Variants in GABRG3 observed in about 807,000 individuals in gnomAD.
The protein encoded by GABRG3 is gamma-aminobutyric acid type A receptor subunit gamma3.
A neutral mutation model predicts 48.8 loss-of-function variants in GABRG3; 25 were observed. The observed-to-expected ratio is 0.51, with a 90% CI of 0.37 to 0.72. GABRG3 has a LOEUF of 0.72. Ranked by LOEUF, GABRG3 falls within the 30% of genes least tolerant of loss-of-function variation. GABRG3 has a pLI of 0.00. For missense variants in GABRG3, 394 were observed against 577.9 expected, an observed-to-expected ratio of 0.68 and a Z score of 3.26; for synonymous variants, 227 against 217.6, an observed-to-expected ratio of 1.04 and a Z score of -0.38.
At chr15:27,211,693 G>T (rs770710860) in intron 3 of GABRG3, among the ~76,000 whole-genome samples, 1 of 152,122 alleles carries the variant, frequency 6.6e-6, no homozygotes, top group African/African-American at 2.4e-5. Context: ...TGTGCAGTGT[G>T]ATAAAAGTTA....
At chr15:27,007,428 AC>A (rs1245556445) in intron 2 of GABRG3, among the ~76,000 whole-genome samples, 1 of 152,140 alleles carries the variant, frequency 6.6e-6, no homozygotes. Flanking sequence ...TTGGTTATAT[AC>A]CCAATAATAG....
intron 3 of GABRG3, among the ~76,000 whole-genome samples, chr15:27,089,009 T>G (rs943329354): frequency 1.5e-4 from 23 of 152,084 alleles, no homozygotes; most frequent in Non-Finnish European, 1.0e-4. Context: ...TCAGGCTGGC[T>G]GGCGCCGGGC....
chr15:27,058,489 G>T (rs543816361), intron 3 of GABRG3, among the ~76,000 whole-genome samples: 1 of 152,282 alleles, frequency 6.6e-6, no homozygotes, highest in South Asian at 2.1e-4. Flanking sequence ...CTGTTGAACA[G>T]GAAATGAGCT....
intron 7 of GABRG3, among the ~76,000 whole-genome samples, chr15:27,521,903 A>G (rs1891169094): frequency 6.6e-6 from 1 of 152,052 alleles, no homozygotes; most frequent in South Asian, 2.1e-4. Flanking sequence ...AACTGACTAT[A>G]ACTGAGGTGA....
chr15:27,520,787 T>C (rs894932877), intron 7 of GABRG3, among the ~76,000 whole-genome samples: 3 of 151,022 alleles, frequency 2.0e-5, no homozygotes, highest in Admixed American at 6.6e-5. Flanking sequence ...AATATAGAGA[T>C]TGTTTTCCCC....
rs894837370 is a variant in GABRG3, at chr15:27,352,748, T to A, written c.574+23860T>A. Among the ~76,000 whole-genome samples the A allele has an allele frequency of 1.3e-5, 2 of 152,100 alleles. No individual in the cohort carries two copies. Among genetic ancestry groups the A allele is most frequent in the African/African-American group, 4.8e-5 (2 of 41,406 alleles). ...AAAGGAGCTCAGTGTCTTCCCCATA[T>A]GCCACGTTTCACGCAGATGCATGGG... is the stretch of plus-strand genomic sequence containing the variant. On this transcript the variant is annotated intron_variant, in intron 5 of 9. Transcript: ENST00000615808. This position sits in a 1 kb window ranked among gnomAD's most constrained non-coding sequence, Gnocchi z 4.0.
chr15:27,158,430 G>T (rs1011359793), intron 3 of GABRG3: 3 of 152,022 alleles, frequency 2.0e-5, no homozygotes, highest in African/African-American at 7.2e-5. Context: ...TGTTAAAGAT[G>T]ATTTTCCCTT....
intron 5 of GABRG3, among the ~76,000 whole-genome samples, chr15:27,423,324 C>CTTAA (rs1888189355): frequency 6.7e-6 from 1 of 150,012 alleles, no homozygotes; most frequent in South Asian, 2.1e-4. Flanking sequence ...TTCAGGCTTC[C>CTTAA]TTAAAGACAC....
intron 3 of GABRG3, among the ~76,000 whole-genome samples, chr15:27,270,832 C>T (rs1261167279): frequency 6.6e-6 from 1 of 152,116 alleles, no homozygotes; most frequent in Non-Finnish European, 1.5e-5. Context: ...ATCACCCTTA[C>T]CTCATAAATG....
intron 3 of GABRG3, among the ~76,000 whole-genome samples, chr15:27,095,406 C>T (rs911878502): frequency 3.9e-5 from 6 of 152,148 alleles, no homozygotes; most frequent in Middle Eastern, 3.2e-3. Flanking sequence ...TACTTTCTTG[C>T]GACAGGTGTG....
chr15:27,425,726 T>A (rs1299587833), intron 5 of GABRG3, among the ~76,000 whole-genome samples: 1 of 152,230 alleles, frequency 6.6e-6, no homozygotes, highest in Non-Finnish European at 1.5e-5. Context: ...AAATAAGGCT[T>A]TTGAGAGAAT....
chr15:27,527,748 T>A (rs1477955589), intron 8 of GABRG3, 119 bp downstream of exon 8: 2 of 1,069,510 alleles, frequency 1.9e-6, no homozygotes, highest in African/African-American at 3.2e-5. Context: ...AATACCCAGT[T>A]CAACAAGACT....
intron 3 of GABRG3, among the ~76,000 whole-genome samples, chr15:27,194,941 GTTTATTA>G (rs144708841): frequency 0.032 from 4,913 of 152,098 alleles, 159 homozygotes; most frequent in African/African-American, 0.082. Flanking sequence ...ATGTTTGTTT[GTTTATTA>G]TTTATTTTAC....
chr15:27,104,296 G>A (rs1897411898), intron 3 of GABRG3, among the ~76,000 whole-genome samples: 1 of 152,242 alleles, frequency 6.6e-6, no homozygotes, highest in African/African-American at 2.4e-5. Context: ...GTACGAGCCA[G>A]GACAGATGAA....
At position 27,317,559 on chromosome 15, in the gene GABRG3, C is replaced by T. The variant is rs143069008; in HGVS notation, c.271-9250C>T. Among the ~76,000 whole-genome samples the T allele has an allele frequency of 1.1e-3, 165 of 152,302 alleles. 1 individual carries two copies. Among genetic ancestry groups the T allele is most frequent in the African/African-American group, 3.8e-3 (158 of 41,570 alleles). On this transcript the variant is annotated intron_variant, in intron 3 of 9. Transcript: ENST00000615808. ...GAGGCCCATCCTCATCTTTGGAAAA[C>T]TGGCTGGTGTCACAAGGCAAGGCTA...
intron 2 of GABRG3, among the ~76,000 whole-genome samples, chr15:27,001,873 G>A (rs956277600): frequency 1.2e-4 from 14 of 119,822 alleles, no homozygotes; most frequent in Non-Finnish European, 1.4e-4. Context: ...CTTGAAGAGA[G>A]GTTCCCATAA....
chr15:27,125,502 T>C (rs1897804797), intron 3 of GABRG3, among the ~76,000 whole-genome samples: 1 of 152,232 alleles, frequency 6.6e-6, no homozygotes, highest in Non-Finnish European at 1.5e-5. Flanking sequence ...ACAACACAAC[T>C]GATAAGTATT....
chr15:27,006,838 GT>G (rs1052287683), intron 2 of GABRG3, among the ~76,000 whole-genome samples: 8 of 136,038 alleles, frequency 5.9e-5, no homozygotes, highest in African/African-American at 1.4e-4. Context: ...GATCTCGTTT[GT>G]TTTTTTTTTC....
intron 3 of GABRG3, among the ~76,000 whole-genome samples, chr15:27,153,333 A>G (rs996622279): frequency 9.2e-5 from 14 of 152,118 alleles, no homozygotes; most frequent in Admixed American, 5.9e-4. Context: ...TAGGTTCTCT[A>G]TTCTGTTCCA....
Sources: allele counts gnomAD v4.1 joint callset (sites outside exome capture counted in the v4.1 genomes callset), GRCh38; gene constraint gnomAD v4.1.1; non-coding constraint Gnocchi (gnomAD v3.1); transcripts MANE v1.5; gene names NCBI Gene and HGNC (gene_info 2026-07-23, HGNC 2026-07-21).